Variants in TMEM87A observed in about 807,000 individuals in gnomAD.
TMEM87A encodes the protein Golgi-pH regulating cation channel.
A neutral mutation model predicts 90.0 loss-of-function variants in TMEM87A; 50 were observed. That is an observed-to-expected ratio of 0.56 (90% CI 0.44 to 0.70). The LOEUF (loss-of-function observed/expected upper bound fraction) is 0.70. Among genes scored for constraint, TMEM87A ranks in the 30% least tolerant of loss-of-function variants. The pLI, the probability that TMEM87A is intolerant of heterozygous loss-of-function variation, is 0.00. For synonymous variants in TMEM87A, 226 were observed against 226.7 expected (o/e 1.00, Z 0.03); for missense variants, 577 against 660.5 (o/e 0.87, Z 1.39).
At chr15:42,254,216 G>C (rs192730913) in intron 6 of TMEM87A, among the ~76,000 whole-genome samples, 27 of 152,224 alleles carry the variant, frequency 1.8e-4, no homozygotes, top group African/African-American at 6.3e-4. Flanking sequence ...TCCAGTTATT[G>C]ATGCTGTCAG....
chr15:42,265,343 C>T (rs955112277), intron 3 of TMEM87A, among the ~76,000 whole-genome samples: 3 of 152,162 alleles, frequency 2.0e-5, no homozygotes, highest in African/African-American at 7.2e-5. Flanking sequence ...ATAAGCATTC[C>T]CTTTTCTCCA....
intron 11 of TMEM87A, among the ~76,000 whole-genome samples, chr15:42,231,496 TAAGTAC>T (rs2050685807): frequency 6.6e-6 from 1 of 152,228 alleles, no homozygotes; most frequent in Non-Finnish European, 1.5e-5. Flanking sequence ...AACATACTGC[TAAGTAC>T]GAGTTTTTCA....
chr15:42,226,752 A>C, intron 15 of TMEM87A, 54 bp downstream of exon 15: 1 of 1,490,030 alleles, frequency 6.7e-7, no homozygotes, highest in Non-Finnish European at 9.4e-7. Flanking sequence ...CACCACCCCT[A>C]ATTGATGACA....
At chr15:42,225,305 G>A (rs2620385) in intron 15 of TMEM87A, among the ~76,000 whole-genome samples, 14 of 92,014 alleles carry the variant, frequency 1.5e-4, no homozygotes, top group African/African-American at 3.3e-4. Context: ...GCAAATGGGG[G>A]GGGGGGGAAG....
Position 42,219,341 on chromosome 15 carries a change from C to T in TMEM87A, c.1539+240G>A, listed in dbSNP as rs78272650. ...CAATGTTTGCAAATGTTTTCTCCCA[C>T]TCTGTAGGTTGTCTTTTCACTTCGT... On this transcript the variant is annotated intron_variant, in intron 17 of 19. Coordinates refer to ENST00000389834, the MANE Select transcript of TMEM87A (RefSeq NM_015497.5). Among the ~76,000 whole-genome samples, 1,396 of 152,224 alleles carry T rather than the reference C, an allele frequency of 9.2e-3. 19 individuals carry two copies. Among genetic ancestry groups the T allele is most frequent in the African/African-American group, 0.032 (1,329 of 41,558 alleles).
intron 9 of TMEM87A, among the ~76,000 whole-genome samples, chr15:42,236,837 A>G (rs2050779743): frequency 6.6e-6 from 1 of 152,234 alleles, no homozygotes; most frequent in African/African-American, 2.4e-5. Context: ...TACTATTTTC[A>G]AGACCTTTCA....
intron 17 of TMEM87A, 54 bp from the exon 18 acceptor site, chr15:42,218,432 A>C: frequency 3.7e-5 from 57 of 1,550,368 alleles, no homozygotes; most frequent in Non-Finnish European, 4.4e-5. Context: ...AATACATCTC[A>C]AGTAAGGACA....
At chr15:42,237,380 T>C in intron 9 of TMEM87A, 52 bp downstream of exon 9, 3 of 1,575,284 alleles carry the variant, frequency 1.9e-6, no homozygotes, top group Admixed American at 3.5e-5. Context: ...AATATTTTCA[T>C]ACATCTCACC....
intron 9 of TMEM87A, 55 bp downstream of exon 9, chr15:42,237,377 T>C: frequency 6.4e-7 from 1 of 1,569,144 alleles, no homozygotes; most frequent in Non-Finnish European, 8.7e-7. Context: ...AGGAATATTT[T>C]CATACATCTC....
chr15:42,271,791 T>C (rs1475772842), intron 2 of TMEM87A, among the ~76,000 whole-genome samples: 1 of 150,852 alleles, frequency 6.6e-6, no homozygotes, highest in Non-Finnish European at 1.5e-5. Flanking sequence ...ATATACAGCA[T>C]ATATATTAAT....
At chr15:42,226,474 C>T (rs2050596243) in intron 15 of TMEM87A, 3 of 275,832 alleles carry the variant, frequency 1.1e-5, no homozygotes, top group South Asian at 1.4e-4. Flanking sequence ...TCTGCTTTAT[C>T]GTGATGGTCT....
intron 12 of TMEM87A, among the ~76,000 whole-genome samples, chr15:42,229,831 T>A (rs1456137414): frequency 6.6e-6 from 1 of 152,158 alleles, no homozygotes; most frequent in East Asian, 1.9e-4. Flanking sequence ...ACGTTCAATG[T>A]TCTTTTCTTT....
rs1007372417 is a variant in TMEM87A at position 42,244,279 on chromosome 15, CT to C, written c.505-113del. On this transcript the variant is annotated intron_variant, in intron 6 of 19. Transcript: ENST00000389834. ...ATGTGCCCAGAAATATGGTAAAGTC[CT>C]TCTCTTTCATTCATTGAAACATTAG... is the stretch of plus-strand genomic sequence containing the variant. 3.9e-5 allele frequency: 26 copies of C among 669,962 alleles called. No homozygotes were observed. In the African/African-American group the frequency reaches 4.6e-4, roughly 12 times the overall value. The allele number at this position is 669,962 out of a possible 1,614,324, so 41.5% of individuals were successfully genotyped here.
chr15:42,249,624 T>G (rs528841186), intron 6 of TMEM87A, among the ~76,000 whole-genome samples: 1 of 152,380 alleles, frequency 6.6e-6, no homozygotes, highest in South Asian at 2.1e-4. Context: ...AGTTCTAATT[T>G]GATTGCAATG....
chr15:42,267,161 T>C (rs1018232306), intron 3 of TMEM87A, among the ~76,000 whole-genome samples: 9 of 152,226 alleles, frequency 5.9e-5, no homozygotes, highest in Non-Finnish European at 1.3e-4. Flanking sequence ...CAATGTAATT[T>C]TTAGCTAAGT....
At chr15:42,234,363 T>A (rs1303377045) in intron 10 of TMEM87A, among the ~76,000 whole-genome samples, 1 of 152,188 alleles carries the variant, frequency 6.6e-6, no homozygotes, top group East Asian at 1.9e-4. Context: ...CTGCCTTAAA[T>A]CATGTCTGCA....
rs8041101 is a variant in TMEM87A, at chr15:42,233,894, C to T, written c.969-588G>A. ...AAGCAACCCTCCCACCTCAGCCTCC[C>T]GAGTAGCTGAGGACTACAGGCACGT... On this transcript the variant is annotated intron_variant, in intron 10 of 19. Coordinates refer to ENST00000389834, the MANE Select transcript of TMEM87A (RefSeq NM_015497.5). Among the ~76,000 whole-genome samples, 376 of 151,900 alleles carry T rather than the reference C, an allele frequency of 2.5e-3. 3 individuals are homozygous for T. The highest frequency in any genetic ancestry group is 7.7e-3 in the African/African-American group (319 of 41,420).
intron 4 of TMEM87A, among the ~76,000 whole-genome samples, chr15:42,263,191 A>G (rs1245331185): frequency 2.0e-5 from 3 of 152,258 alleles, no homozygotes; most frequent in Non-Finnish European, 4.4e-5. Context: ...AATGTGGTAC[A>G]TACATACAAT....
At position 42,210,620 on chromosome 15, in the gene TMEM87A, A is replaced by C. The variant is rs2050266436; in HGVS notation, c.*1088T>G. ...GAAGGCAAAATTGGATAAAACCATT[A>C]AAACAGAAATAGAGTGCTTCAAATG... On this transcript the variant is annotated 3_prime_UTR_variant, in exon 20 of 20. Transcript: ENST00000389834. 1 of 152,654 alleles carries C rather than the reference A, an allele frequency of 6.6e-6. No individual in the cohort carries two copies. Among genetic ancestry groups the C allele is most frequent in the African/African-American group, 2.4e-5 (1 of 41,450 alleles). 9.5% of individuals were successfully genotyped at this position (152,654 alleles called of 1,614,324 possible). A position where few individuals can be genotyped will look rare whatever the true frequency, so the allele number is the denominator to read the frequency against.
Sources: allele counts gnomAD v4.1 joint callset (sites outside exome capture counted in the v4.1 genomes callset), GRCh38; gene constraint gnomAD v4.1.1; transcripts MANE v1.5; gene names NCBI Gene and HGNC (gene_info 2026-07-23, HGNC 2026-07-21).